DDX10: variants seen among roughly 807,000 people sequenced by gnomAD.
DDX10 encodes DEAD-box helicase 10, also known as probable ATP-dependent RNA helicase DDX10.
Under a neutral mutation model 104.3 loss-of-function variants are expected in DDX10, and 74 were observed. The ratio of observed to expected loss-of-function variants is 0.71; its 90% CI spans 0.59 to 0.86. The LOEUF is 0.86. DDX10 is among the 40% of genes least tolerant of loss of function. The pLI is 0.00. For missense variants in DDX10, 952 were observed against 1,040.0 expected, an observed-to-expected ratio of 0.92 and a Z score of 1.16; for synonymous variants, 351 against 353.4, an observed-to-expected ratio of 0.99 and a Z score of 0.08.
chr11:108,718,452 C>A (rs1219527065), intron 11 of DDX10, among the ~76,000 whole-genome samples: 1 of 152,152 alleles, frequency 6.6e-6, no homozygotes. Context: ...ATCCTTCAAA[C>A]TTGCAGTTGA....
chr11:108,803,221 G>T (rs1862048417), intron 13 of DDX10, among the ~76,000 whole-genome samples: 1 of 150,414 alleles, frequency 6.6e-6, no homozygotes, highest in Non-Finnish European at 1.5e-5. Context: ...TTCTTACTCG[G>T]TCATTTCCAC....
At chr11:108,726,990 CT>C (rs1445180644) in intron 13 of DDX10, among the ~76,000 whole-genome samples, 1 of 152,012 alleles carries the variant, frequency 6.6e-6, no homozygotes, top group Non-Finnish European at 1.5e-5. Flanking sequence ...TGATTTCCCC[CT>C]GCTACATGTT....
chr11:108,679,128 A>AT (rs1481710758), intron 5 of DDX10, among the ~76,000 whole-genome samples: 1 of 152,092 alleles, frequency 6.6e-6, no homozygotes, highest in Non-Finnish European at 1.5e-5. Context: ...AAGTGCTGGG[A>AT]TTACAGGCCT....
chr11:108,855,900 G>A (rs1007390452), intron 16 of DDX10, among the ~76,000 whole-genome samples: 1 of 152,148 alleles, frequency 6.6e-6, no homozygotes, highest in Non-Finnish European at 1.5e-5. Flanking sequence ...ATTATAGTTC[G>A]TATTTTTAAG....
chr11:108,671,680 T>G (rs1177263131), intron 1 of DDX10, among the ~76,000 whole-genome samples: 2 of 152,218 alleles, frequency 1.3e-5, no homozygotes, highest in African/African-American at 4.8e-5. Flanking sequence ...AAAACTTTAC[T>G]TACTAAAATA....
At chr11:108,918,283 T>C (rs962769881) in intron 17 of DDX10, 1 of 424,366 alleles carries the variant, frequency 2.4e-6, no homozygotes, top group African/African-American at 2.1e-5. Context: ...TGTTTTTCCT[T>C]TCTCTATTCT....
In DDX10 at chr11:108,678,182, A is replaced by G. The variant is rs2094228681; in HGVS notation, c.538-133A>G. The G allele has an allele frequency of 4.5e-6, 4 of 885,360 alleles. No homozygotes were observed. In the Admixed American group the frequency reaches 9.7e-5, roughly 21 times the overall value. 54.8% of individuals were successfully genotyped at this position (885,360 alleles called of 1,614,324 possible). A position where few individuals can be genotyped will look rare whatever the true frequency, so the allele number is the denominator to read the frequency against. On this transcript the variant is annotated intron_variant, in intron 4 of 17. Coordinates refer to ENST00000322536, the MANE Select transcript of DDX10 (RefSeq NM_004398.4). ...TGGATATGGTTCAGAAATACAAGGG[A>G]AAAGTTATGTTTATTTCCAAGAGTA...
chr11:108,867,139 T>C (rs573120057), intron 16 of DDX10, among the ~76,000 whole-genome samples: 1 of 152,252 alleles, frequency 6.6e-6, no homozygotes, highest in Admixed American at 6.5e-5. Context: ...AAGTCACAGG[T>C]TATTACCAGC....
At chr11:108,903,828 A>G (rs941113037) in intron 16 of DDX10, among the ~76,000 whole-genome samples, 3 of 152,172 alleles carry the variant, frequency 2.0e-5, no homozygotes, top group South Asian at 2.1e-4. Context: ...TACCATTTAT[A>G]GGACATTTAT....
At chr11:108,730,446 C>G (rs575421819) in intron 13 of DDX10, among the ~76,000 whole-genome samples, 10 of 152,320 alleles carry the variant, frequency 6.6e-5, no homozygotes, top group Middle Eastern at 3.4e-3. Flanking sequence ...TCTTACTGAT[C>G]AGTGTGTTTT....
intron 13 of DDX10, among the ~76,000 whole-genome samples, chr11:108,732,179 A>G (rs992109637): frequency 3.9e-5 from 6 of 152,180 alleles, no homozygotes; most frequent in Admixed American, 3.9e-4. Flanking sequence ...GACCATAATT[A>G]TTTGGCATTT....
intron 16 of DDX10, among the ~76,000 whole-genome samples, chr11:108,907,381 G>C (rs1863611507): frequency 6.7e-6 from 1 of 149,818 alleles, no homozygotes; most frequent in African/African-American, 2.4e-5. Context: ...TGTCCCCCAG[G>C]TTGGAGTACA....
At chr11:108,904,136 A>G (rs1187514374) in intron 16 of DDX10, among the ~76,000 whole-genome samples, 1 of 152,112 alleles carries the variant, frequency 6.6e-6, no homozygotes, top group Non-Finnish European at 1.5e-5. Context: ...TTATAAATGG[A>G]CATTTTATTT....
At chr11:108,854,466 A>C (rs1862838426) in intron 16 of DDX10, among the ~76,000 whole-genome samples, 1 of 152,242 alleles carries the variant, frequency 6.6e-6, no homozygotes, top group Non-Finnish European at 1.5e-5. Context: ...CACTTTAGTC[A>C]GATTCCAGGT....
At position 108,806,122 on chromosome 11, in the gene DDX10, C is replaced by T. The variant is rs911807618; in HGVS notation, c.1966-32324C>T. Reference sequence around the variant, plus strand: ...AATTACAGGCGTCCACCACCACGCCCGGCTAGTTTTTTTTATTTTTAGTAG... The same window carrying T: ...AATTACAGGCGTCCACCACCACGCCTGGCTAGTTTTTTTTATTTTTAGTAG... On this transcript the variant is annotated intron_variant, in intron 13 of 17. Coordinates refer to ENST00000322536, the MANE Select transcript of DDX10 (RefSeq NM_004398.4). Among the ~76,000 whole-genome samples the T allele has an allele frequency of 7.2e-5, 11 of 152,102 alleles. No homozygotes were observed. In the East Asian group the frequency reaches 9.7e-4, roughly 13 times the overall value.
intron 13 of DDX10, among the ~76,000 whole-genome samples, chr11:108,804,498 CAAAAAAAA>C (rs3063225): frequency 1.1e-5 from 1 of 93,514 alleles, no homozygotes; most frequent in Non-Finnish European, 2.0e-5. Flanking sequence ...GACCCTGTCT[CAAAAAAAA>C]AAAAAAAAAA....
intron 16 of DDX10, among the ~76,000 whole-genome samples, chr11:108,892,103 T>G (rs962813493): frequency 1.3e-5 from 2 of 152,174 alleles, no homozygotes; most frequent in Admixed American, 6.5e-5. Flanking sequence ...TCAATCCTCA[T>G]GTTGAAATTT....
In DDX10 at chr11:108,691,873, C is replaced by T; in HGVS notation, c.976-3C>T. On this transcript the variant is annotated splice_region_variant and splice_polypyrimidine_tract_variant and intron_variant, in intron 7 of 17. Coordinates refer to ENST00000322536, the MANE Select transcript of DDX10 (RefSeq NM_004398.4). ...CAAACTTATTCTTCTGTTGATGCCC[C>T]AGGTCCAGTATCTGTACCGAGTGTT... The T allele has an allele frequency of 6.2e-7, 1 of 1,611,142 alleles. No individual in the cohort carries two copies. The highest frequency in any genetic ancestry group is 8.5e-7 in the Non-Finnish European group (1 of 1,178,920).
chr11:108,931,153 G>C (rs939504336), intron 17 of DDX10, among the ~76,000 whole-genome samples: 3 of 152,090 alleles, frequency 2.0e-5, no homozygotes, highest in African/African-American at 7.2e-5. Context: ...CAGGGGGTCG[G>C]GGGACATCTC....
Sources: allele counts gnomAD v4.1 joint callset (sites outside exome capture counted in the v4.1 genomes callset), GRCh38; gene constraint gnomAD v4.1.1; transcripts MANE v1.5; gene names NCBI Gene and HGNC (gene_info 2026-07-23, HGNC 2026-07-21).